Variants in MINDY2 observed in about 807,000 individuals in gnomAD.
MINDY2 encodes the protein ubiquitin carboxyl-terminal hydrolase MINDY-2.
In MINDY2, 52 loss-of-function variants were observed where a neutral mutation model predicts 68.2. The observed-to-expected ratio is 0.76, with a 90% CI of 0.61 to 0.96. The LOEUF is 0.96. Ranked by LOEUF, MINDY2 falls within the 40% of genes least tolerant of loss-of-function variation. MINDY2 has a pLI of 0.00. For missense variants in MINDY2, 881 were observed against 773.4 expected, an observed-to-expected ratio of 1.14 and a Z score of -1.65; for synonymous variants, 372 against 303.0, an observed-to-expected ratio of 1.23 and a Z score of -2.36.
intron 1 of MINDY2, among the ~76,000 whole-genome samples, chr15:58,787,669 G>A (rs1277736800): frequency 2.0e-5 from 3 of 149,834 alleles, no homozygotes; most frequent in African/African-American, 4.9e-5. Flanking sequence ...CCGGAGAGGC[G>A]CAGCTTGCAG....
chr15:58,842,888 G>A (rs1595775632), intron 6 of MINDY2, among the ~76,000 whole-genome samples: 1 of 152,230 alleles, frequency 6.6e-6, no homozygotes, highest in East Asian at 1.9e-4. Context: ...CATTTCCAGT[G>A]TGACTTTCAA....
chr15:58,821,685 C>T, intron 4 of MINDY2, 32 bp from the exon 5 acceptor site: 1 of 1,327,014 alleles, frequency 7.5e-7, no homozygotes, highest in Non-Finnish European at 1.0e-6. Flanking sequence ...CTAATCTTAC[C>T]ATGATTAGTG....
intron 6 of MINDY2, among the ~76,000 whole-genome samples, chr15:58,840,573 A>T (rs538290985): frequency 6.6e-6 from 1 of 151,338 alleles, no homozygotes; most frequent in African/African-American, 2.4e-5. Context: ...GTCTTCTACA[A>T]TTAAACTGGG....
In MINDY2 at chr15:58,771,558, G is replaced by C. The variant is rs1166748900; in HGVS notation, c.163G>C (p.Gly55Arg). 6.2e-7 allele frequency: 1 copy of C among 1,611,332 alleles called. No homozygotes were observed. Among genetic ancestry groups the C allele is most frequent in the South Asian group, 1.1e-5 (1 of 91,024 alleles). The change falls in exon 1 of 9, where the codon GGG becomes CGG. Residue 55 changes from glycine (G) to arginine (R), a missense_variant. Coordinates refer to ENST00000559228, the MANE Select transcript of MINDY2 (RefSeq NM_001040450.3). ...GGAGACCAGCGGCGGGAATGGGCTGGGGGCGGCGGCCGCCAGGAGGAGCCT... is the reference window on the plus strand; with the variant it reads ...GGAGACCAGCGGCGGGAATGGGCTGCGGGCGGCGGCCGCCAGGAGGAGCCT... ...AAETSGGNGLGAAAARRSLPD... is the reference protein window; with the variant it reads ...AAETSGGNGLRAAAARRSLPD...
In MINDY2 at chr15:58,772,035, G is replaced by T. The variant is rs565815120; in HGVS notation, c.640G>T (p.Ala214Ser). 1.4e-5 allele frequency: 23 copies of T among 1,604,840 alleles called. No homozygotes were observed. Among genetic ancestry groups the T allele is most frequent in the Middle Eastern group, 3.3e-4 (2 of 5,990 alleles). The part of the protein sequence containing the change: ...EEEGAAVLPG[A>S]VPLCKEEEGE... ...GGAGGGCGCGGCGGTGTTGCCCGGG[G>T]CTGTTCCTCTGTGCAAGGAGGAGGA... Residue 214 changes from alanine to serine, a missense_variant, in exon 1 of 9, where the codon GCT becomes TCT. Coordinates refer to ENST00000559228, the MANE Select transcript of MINDY2 (RefSeq NM_001040450.3).
intron 1 of MINDY2, among the ~76,000 whole-genome samples, chr15:58,784,498 T>A (rs2140910384): frequency 6.6e-6 from 1 of 152,310 alleles, no homozygotes; most frequent in East Asian, 1.9e-4. Context: ...TTAAACTACT[T>A]AAAGTGCCTT....
chr15:58,791,253 A>ATATATG (rs1567043806), intron 2 of MINDY2, among the ~76,000 whole-genome samples: 1 of 128,568 alleles, frequency 7.8e-6, no homozygotes, highest in Non-Finnish European at 1.7e-5. Flanking sequence ...ATATATATAT[A>ATATATG]TATCTTGAGT....
chr15:58,818,650 GA>G (rs2030856790), intron 4 of MINDY2, among the ~76,000 whole-genome samples: 1 of 140,710 alleles, frequency 7.1e-6, no homozygotes, highest in South Asian at 2.2e-4. Flanking sequence ...TTTGTATATT[GA>G]TTTTTTTTTT....
In MINDY2 at chr15:58,776,845, G is replaced by A. The variant is rs1340556595; in HGVS notation, c.840+4610G>A. ...GAGACCAGCTGGGGCAATATAGTGA[G>A]ACCCCCATCTCTGTAAAAAAAAATT... On this transcript the variant is annotated intron_variant, in intron 1 of 8. Transcript: ENST00000559228. 2.6e-5 allele frequency among the ~76,000 whole-genome samples: 4 copies of A among 151,788 alleles called. No individual in the cohort carries two copies. In the East Asian group the frequency reaches 7.7e-4, roughly 29 times the overall value.
chr15:58,802,393 T>A lies in MINDY2; in HGVS notation c.963+16T>A. ...TTATGAACAGGTAATAAACAGTTTT[T>A]GTTAAAGTATATAATTTTAAAGTTT... On this transcript the variant is annotated intron_variant, in intron 3 of 8. Transcript: ENST00000559228. The A allele has an allele frequency of 6.7e-7, 1 of 1,501,006 alleles. No homozygotes were observed. Among genetic ancestry groups the A allele is most frequent in the East Asian group, 2.3e-5 (1 of 43,596 alleles). 93.0% of individuals were successfully genotyped at this position (1,501,006 alleles called of 1,614,324 possible). A position where few individuals can be genotyped will look rare whatever the true frequency, so the allele number is the denominator to read the frequency against.
intron 3 of MINDY2, among the ~76,000 whole-genome samples, chr15:58,807,929 C>T (rs2029924497): frequency 6.6e-6 from 1 of 152,022 alleles, no homozygotes; most frequent in South Asian, 2.1e-4. Context: ...TTTAGTGCTC[C>T]CTGTAGTCTC....
intron 5 of MINDY2, among the ~76,000 whole-genome samples, chr15:58,831,496 C>A (rs2031724595): frequency 6.6e-6 from 1 of 152,052 alleles, no homozygotes; most frequent in Admixed American, 6.6e-5. Context: ...CTGCAACCTG[C>A]ATGAAATCCT....
intron 1 of MINDY2, among the ~76,000 whole-genome samples, chr15:58,780,214 G>C (rs1055944728): frequency 6.6e-6 from 1 of 152,072 alleles, no homozygotes; most frequent in Non-Finnish European, 1.5e-5. Context: ...AGACCAGCCT[G>C]ACCAACGTGG....
intron 4 of MINDY2, among the ~76,000 whole-genome samples, chr15:58,821,124 G>C (rs2031032424): frequency 6.6e-6 from 1 of 151,484 alleles, no homozygotes; most frequent in African/African-American, 2.4e-5. Context: ...TAAAAACAAA[G>C]ATTAAATAAG....
intron 4 of MINDY2, among the ~76,000 whole-genome samples, chr15:58,812,277 A>C (rs565866026): frequency 6.6e-6 from 1 of 151,970 alleles, no homozygotes; most frequent in South Asian, 2.1e-4. Context: ...GTCTACTAAA[A>C]AATACAAAAA....
chr15:58,788,314 G>T (rs538974669), intron 2 of MINDY2, among the ~76,000 whole-genome samples: 7 of 152,300 alleles, frequency 4.6e-5, no homozygotes, highest in African/African-American at 1.7e-4. Context: ...TAAAGACAAA[G>T]GAGGTGATTT....
chr15:58,833,887 C>A (rs1467233646), intron 6 of MINDY2, among the ~76,000 whole-genome samples: 2 of 152,058 alleles, frequency 1.3e-5, no homozygotes, highest in Admixed American at 1.3e-4. Flanking sequence ...TTATGGGTGT[C>A]GGGCTGCCGG....
chr15:58,847,230 C>T (rs1307185453), intron 6 of MINDY2, 67 bp from the exon 7 acceptor site: 3 of 1,295,194 alleles, frequency 2.3e-6, no homozygotes, highest in Admixed American at 4.4e-5. Context: ...TAAAACTTTC[C>T]TTAAATATTA....
chr15:58,798,778 A>T (rs1204763816), intron 2 of MINDY2, among the ~76,000 whole-genome samples: 1 of 152,156 alleles, frequency 6.6e-6, no homozygotes, highest in Non-Finnish European at 1.5e-5. Context: ...TTCACTGAGC[A>T]TGTATTGTGA....
Sources: gnomAD v4.1 joint callset for allele counts (sites outside exome capture counted in the v4.1 genomes callset) on GRCh38, gnomAD v4.1.1 for gene constraint, MANE v1.5 for transcripts, NCBI Gene and HGNC (gene_info 2026-07-23, HGNC 2026-07-21) for gene names.